CA8: variants seen among roughly 807,000 people sequenced by gnomAD.
CA8 encodes carbonic anhydrase-related protein.
CA8 carries 22 observed loss-of-function variants against 41.4 expected under a neutral mutation model. The observed-to-expected ratio is 0.53, with a 90% CI of 0.38 to 0.76. The LOEUF (loss-of-function observed/expected upper bound fraction) is 0.76. Ranked by LOEUF, CA8 falls within the 30% of genes least tolerant of loss-of-function variation. The pLI is 0.00. For missense variants in CA8, 270 were observed against 352.8 expected, an observed-to-expected ratio of 0.77 and a Z score of 1.88; for synonymous variants, 121 against 130.6, an observed-to-expected ratio of 0.93 and a Z score of 0.50.
intron 2 of CA8, among the ~76,000 whole-genome samples, chr8:60,266,699 T>TTTCTC (rs1803911723): frequency 6.6e-6 from 1 of 152,188 alleles, no homozygotes; most frequent in Admixed American, 6.5e-5. Flanking sequence ...CATTGCTGGA[T>TTTCTC]ATGATCAAGA....
At chr8:60,230,178 G>T (rs971018363) in intron 4 of CA8, among the ~76,000 whole-genome samples, 3 of 152,138 alleles carry the variant, frequency 2.0e-5, no homozygotes, top group East Asian at 1.9e-4. Context: ...CCTACAAATC[G>T]GCCCCATGTG....
chr8:60,258,529 CAG>C (rs938045782), intron 3 of CA8, among the ~76,000 whole-genome samples: 32 of 152,258 alleles, frequency 2.1e-4, no homozygotes, highest in African/African-American at 7.5e-4. Context: ...TTTCCACAGA[CAG>C]GGGGCAGGGG....
intron 2 of CA8, among the ~76,000 whole-genome samples, chr8:60,276,407 C>A (rs990603580): frequency 4.6e-5 from 7 of 152,218 alleles, no homozygotes; most frequent in African/African-American, 1.7e-4. Context: ...CGCTAATGTC[C>A]TAAGAGAAGA....
chr8:60,210,895 C>G (rs1314125567), intron 7 of CA8, among the ~76,000 whole-genome samples: 1 of 152,174 alleles, frequency 6.6e-6, no homozygotes, highest in African/African-American at 2.4e-5. Flanking sequence ...TGAAAAACTT[C>G]TAGAGACGAA....
chr8:60,233,122 A>G lies in CA8; in HGVS notation c.418-743T>C, dbSNP rs145110146. On this transcript the variant is annotated intron_variant, in intron 3 of 8. Transcript: ENST00000317995. Reference sequence around the variant, plus strand: ...AGCCAAGCTCAATTCCTGATTAAAAACCAAATGTCCACTGAGGTTCCTAGT... The same window carrying G: ...AGCCAAGCTCAATTCCTGATTAAAAGCCAAATGTCCACTGAGGTTCCTAGT... Among the ~76,000 whole-genome samples, 730 of 152,306 alleles carry G rather than the reference A, an allele frequency of 4.8e-3. 5 individuals carry two copies. Among genetic ancestry groups the G allele is most frequent in the Non-Finnish European group, 6.5e-3 (445 of 68,024 alleles).
chr8:60,263,730 C>T (rs1803812964), intron 3 of CA8, among the ~76,000 whole-genome samples: 1 of 152,192 alleles, frequency 6.6e-6, no homozygotes, highest in Admixed American at 6.5e-5. Context: ...AACCCTCTCT[C>T]CTCTCTTTCA....
At chr8:60,207,834 C>T (rs891066435) in intron 8 of CA8, among the ~76,000 whole-genome samples, 5 of 152,262 alleles carry the variant, frequency 3.3e-5, no homozygotes, top group Admixed American at 2.0e-4. Flanking sequence ...CAGCTGACTG[C>T]GGCCTCCACC....
chr8:60,199,918 T>A (rs1001337052), intron 8 of CA8, among the ~76,000 whole-genome samples: 2 of 152,190 alleles, frequency 1.3e-5, no homozygotes, highest in African/African-American at 4.8e-5. Context: ...AAAATATTTT[T>A]AAATAGCATG....
intron 8 of CA8, among the ~76,000 whole-genome samples, chr8:60,194,159 G>A (rs190676911): frequency 1.0e-3 from 157 of 152,060 alleles, no homozygotes; most frequent in African/African-American, 3.4e-3. Flanking sequence ...CCAAATATAT[G>A]AGTGACAACT....
chr8:60,205,558 A>G (rs1272608447), intron 8 of CA8, among the ~76,000 whole-genome samples: 2 of 152,168 alleles, frequency 1.3e-5, no homozygotes, highest in Admixed American at 1.3e-4. Context: ...ATTTAATATC[A>G]ATAGGCACCC....
intron 8 of CA8, among the ~76,000 whole-genome samples, chr8:60,193,780 G>C (rs1419141482): frequency 6.6e-6 from 1 of 152,102 alleles, no homozygotes; most frequent in Non-Finnish European, 1.5e-5. Context: ...AGTGTGTTTT[G>C]ATCTACTGTG....
At chr8:60,272,771 T>G (rs1052278238) in intron 2 of CA8, among the ~76,000 whole-genome samples, 11 of 152,354 alleles carry the variant, frequency 7.2e-5, no homozygotes, top group African/African-American at 2.6e-4. Flanking sequence ...AGGCTTTGGA[T>G]CTGATTTATA....
intron 4 of CA8, among the ~76,000 whole-genome samples, chr8:60,229,092 G>A (rs552146629): frequency 1.3e-5 from 2 of 151,716 alleles, no homozygotes; most frequent in South Asian, 4.2e-4. Flanking sequence ...GCTGTCTTTC[G>A]CCACCACTGG....
intron 8 of CA8, among the ~76,000 whole-genome samples, chr8:60,205,358 T>C (rs371999002): frequency 1.3e-5 from 2 of 152,266 alleles, no homozygotes; most frequent in East Asian, 1.9e-4. Flanking sequence ...CTTTTAAAAA[T>C]GGGCTAACAC....
chr8:60,186,291 T>A lies in CA8; in HGVS notation c.*3730A>T, dbSNP rs530850450. On this transcript the variant is annotated 3_prime_UTR_variant, in exon 9 of 9. Coordinates refer to ENST00000317995, the MANE Select transcript of CA8 (RefSeq NM_004056.6). ...GAGAAGAGAGTTCAGAGCTATTTAG[T>A]AGTAACTAAATAACTCACTGTAATA... Among the ~76,000 whole-genome samples the A allele has an allele frequency of 1.3e-5, 2 of 151,918 alleles. No homozygotes were observed. The highest frequency in any genetic ancestry group is 1.3e-4 in the Admixed American group (2 of 15,238).
chr8:60,187,544 T>C lies in CA8; in HGVS notation c.*2477A>G, dbSNP rs1484848902. ...AAACACAATAGAGAAAACCCCAAAATCCACTTTGGCTCCTTGAAAAAAATC... is the reference window on the plus strand; with the variant it reads ...AAACACAATAGAGAAAACCCCAAAACCCACTTTGGCTCCTTGAAAAAAATC... On this transcript the variant is annotated 3_prime_UTR_variant, in exon 9 of 9. Transcript: ENST00000317995. 6.6e-6 allele frequency: 1 copy of C among 151,756 alleles called. No homozygotes were observed. The highest frequency in any genetic ancestry group is 1.5e-5 in the Non-Finnish European group (1 of 67,922). The allele number at this position is 151,756 out of a possible 1,614,324, so 9.4% of individuals were successfully genotyped here. A position where few individuals can be genotyped will look rare whatever the true frequency, so the allele number is the denominator to read the frequency against.
chr8:60,221,771 T>C (rs2130464333), intron 7 of CA8, among the ~76,000 whole-genome samples: 1 of 152,128 alleles, frequency 6.6e-6, no homozygotes, highest in East Asian at 1.9e-4. Flanking sequence ...GAGAAATTAT[T>C]AAATGTTGGA....
chr8:60,220,897 T>A (rs904477777), intron 7 of CA8, among the ~76,000 whole-genome samples: 3 of 152,210 alleles, frequency 2.0e-5, no homozygotes, highest in Admixed American at 2.0e-4. Context: ...CGCCCTATTT[T>A]CACTGAGGGC....
intron 8 of CA8, among the ~76,000 whole-genome samples, chr8:60,205,645 T>C (rs1049841267): frequency 3.3e-5 from 5 of 152,136 alleles, no homozygotes; most frequent in Admixed American, 2.0e-4. Flanking sequence ...TTTAAACAAG[T>C]ATAATACAAA....
Sources: gnomAD v4.1 joint callset for allele counts (sites outside exome capture counted in the v4.1 genomes callset) on GRCh38, gnomAD v4.1.1 for gene constraint, MANE v1.5 for transcripts, NCBI Gene and HGNC (gene_info 2026-07-23, HGNC 2026-07-21) for gene names.